CCDC15: variants seen among roughly 807,000 people sequenced by gnomAD.
The protein encoded by CCDC15 is coiled-coil domain containing 15.
Under a neutral mutation model 114.5 loss-of-function variants are expected in CCDC15, and 105 were observed. The ratio of observed to expected loss-of-function variants is 0.92; its 90% CI spans 0.78 to 1.08. The LOEUF is 1.08. Ranked by LOEUF, CCDC15 falls within the 50% of genes least tolerant of loss-of-function variation. The pLI is 0.00. For synonymous variants in CCDC15, 334 were observed against 377.8 expected, an observed-to-expected ratio of 0.88 and a Z score of 1.34; for missense variants, 1,105 against 1,093.6, an observed-to-expected ratio of 1.01 and a Z score of -0.15.
Position 124,986,667 on chromosome 11 carries a change from C to CTG in CCDC15, c.754-53_754-52dup, listed in dbSNP as rs146292043. 8.2e-3 allele frequency: 8,876 copies of CTG among 1,082,492 alleles called. 144 individuals are homozygous for CTG. In the African/African-American group the frequency reaches 0.096, roughly 12 times the overall value. 67.1% of individuals were successfully genotyped at this position (1,082,492 alleles called of 1,614,324 possible). A position where few individuals can be genotyped will look rare whatever the true frequency, so the allele number is the denominator to read the frequency against. ...TTCTTCCTATAATAGCTACATGGTG[C>CTG]TGTGTGTGTGTGTGTGTGTGTGTTT... On this transcript the variant is annotated intron_variant, in intron 6 of 15. Transcript: ENST00000344762.
intron 6 of CCDC15, among the ~76,000 whole-genome samples, chr11:124,985,223 T>C (rs1168872345): frequency 7.5e-6 from 1 of 133,740 alleles, no homozygotes; most frequent in African/African-American, 3.0e-5. Context: ...TGTATAGATG[T>C]ACCACATTTG....
chr11:125,035,822 G>C (rs1191712436), intron 13 of CCDC15, among the ~76,000 whole-genome samples: 1 of 152,100 alleles, frequency 6.6e-6, no homozygotes, highest in Non-Finnish European at 1.5e-5. Context: ...CAACTTAACA[G>C]TGATTACATA....
chr11:125,027,809 T>C (rs1469869422), intron 13 of CCDC15, among the ~76,000 whole-genome samples: 5 of 152,138 alleles, frequency 3.3e-5, no homozygotes, highest in Non-Finnish European at 7.4e-5. Flanking sequence ...ATTCTTTGCC[T>C]AAGCCAATGT....
At chr11:125,012,140 C>T (rs926269695) in intron 13 of CCDC15, among the ~76,000 whole-genome samples, 1 of 152,118 alleles carries the variant, frequency 6.6e-6, no homozygotes, top group Non-Finnish European at 1.5e-5. Flanking sequence ...TAAAAACAGC[C>T]TTGGAAAGTT....
chr11:125,037,340 A>T (rs746374572), intron 13 of CCDC15: 1 of 152,198 alleles, frequency 6.6e-6, no homozygotes, highest in Non-Finnish European at 1.5e-5. Context: ...AATAAGGACA[A>T]ATTATTCCTG....
rs1259818259 is a variant in CCDC15 at position 125,041,415 on chromosome 11, C to A, written c.*704C>A. On this transcript the variant is annotated 3_prime_UTR_variant, in exon 16 of 16. Transcript: ENST00000344762. ...GTCAAAGTGAGTAAATTCCTTATTT[C>A]CCTATTTTTTAAAAACCTGGTATAT... is the stretch of plus-strand genomic sequence containing the variant. The A allele has an allele frequency of 1.3e-5, 2 of 151,910 alleles. No individual in the cohort carries two copies. Among genetic ancestry groups the A allele is most frequent in the Non-Finnish European group, 2.9e-5 (2 of 67,956 alleles). The allele number at this position is 151,910 out of a possible 1,614,324, so 9.4% of individuals were successfully genotyped here.
At chr11:125,037,221 A>G (rs1212687138) in intron 13 of CCDC15, among the ~76,000 whole-genome samples, 4 of 152,218 alleles carry the variant, frequency 2.6e-5, no homozygotes, top group African/African-American at 9.6e-5. Context: ...GGTCTGGTGC[A>G]GTACTCAGTC....
intron 13 of CCDC15, among the ~76,000 whole-genome samples, chr11:125,026,969 T>C (rs538046051): frequency 2.7e-4 from 41 of 152,322 alleles, no homozygotes; most frequent in Admixed American, 3.9e-4. Context: ...CTCCCACTTA[T>C]AAGTGAAAAC....
intron 11 of CCDC15, among the ~76,000 whole-genome samples, chr11:124,998,665 C>T (rs1195050579): frequency 1.3e-5 from 2 of 151,608 alleles, no homozygotes; most frequent in East Asian, 1.9e-4. Context: ...CATCTATCTA[C>T]ACTGAAAACT....
At position 124,974,101 on chromosome 11, in the gene CCDC15, A is replaced by G. The variant is rs375500213; in HGVS notation, c.517-995A>G. On this transcript the variant is annotated intron_variant, in intron 4 of 15. Coordinates refer to ENST00000344762, the MANE Select transcript of CCDC15 (RefSeq NM_025004.3). ...GCAGTTCTCCCGCCTCAGCCTCCTG[A>G]GTAGCTGGGATTACAGGTGTGCACC... is the stretch of plus-strand genomic sequence containing the variant. Among the ~76,000 whole-genome samples the G allele has an allele frequency of 5.3e-5, 8 of 152,150 alleles. No homozygotes were observed. In the South Asian group the frequency reaches 1.7e-3, roughly 32 times the overall value.
intron 2 of CCDC15, 48 bp from the exon 3 acceptor site, chr11:124,959,067 A>T: frequency 7.2e-7 from 1 of 1,397,198 alleles, no homozygotes; most frequent in South Asian, 1.5e-5. Context: ...GCCCTAATGG[A>T]CAAAACTGCT....
chr11:124,959,289 A>G, intron 3 of CCDC15, 25 bp downstream of exon 3: 3 of 1,542,320 alleles, frequency 1.9e-6, no homozygotes, highest in Non-Finnish European at 2.6e-6. Context: ...GAGCCTGAGT[A>G]AAGATTGAAT....
chr11:124,988,613 A>G (rs1948216124), intron 8 of CCDC15, among the ~76,000 whole-genome samples: 1 of 152,202 alleles, frequency 6.6e-6, no homozygotes, highest in Admixed American at 6.5e-5. Flanking sequence ...GTAGCATGTG[A>G]TAATGTTTGA....
chr11:124,962,616 G>T (rs1021621577), intron 4 of CCDC15, among the ~76,000 whole-genome samples: 3 of 150,006 alleles, frequency 2.0e-5, no homozygotes, highest in Non-Finnish European at 3.0e-5. Context: ...ATATTATCTG[G>T]TCCTATCTTT....
rs1948518191 is a variant in CCDC15, at chr11:125,003,885, T to C, written c.2233T>C (p.Ser745Pro). 2 of 1,564,940 alleles carry C rather than the reference T, an allele frequency of 1.3e-6. No individual in the cohort carries two copies. The highest frequency in any genetic ancestry group is 1.7e-6 in the Non-Finnish European group (2 of 1,161,508). The change falls in exon 12 of 16, where the codon TCA becomes CCA. Residue 745 changes from serine (S) to proline (P), a missense_variant. Coordinates refer to ENST00000344762, the MANE Select transcript of CCDC15 (RefSeq NM_025004.3). The part of the protein sequence containing the change: ...GVPLAYDRYQ[S>P]GLSTEFQAPL... Reference sequence around the variant, plus strand: ...TTAACAGGCTTATGATAGGTATCAATCAGGATTGAGCACTGAATTCCAAGC... The same window carrying C: ...TTAACAGGCTTATGATAGGTATCAACCAGGATTGAGCACTGAATTCCAAGC...
At chr11:125,040,507 A>G (rs1948808354) in intron 15 of CCDC15, 83 bp from the exon 16 acceptor site, 2 of 1,249,896 alleles carry the variant, frequency 1.6e-6, no homozygotes, top group Non-Finnish European at 2.2e-6. Flanking sequence ...CTCTTGGTAG[A>G]GAAGCAGTAC....
intron 11 of CCDC15, among the ~76,000 whole-genome samples, chr11:124,997,716 C>T (rs568467399): frequency 1.2e-4 from 19 of 152,228 alleles, no homozygotes; most frequent in South Asian, 4.2e-4. Context: ...CTGAGGTGAA[C>T]GGATCACTTG....
At chr11:124,977,382 A>T in intron 5 of CCDC15, 96 bp from the exon 6 acceptor site, 1 of 1,193,048 alleles carries the variant, frequency 8.4e-7, no homozygotes, top group Non-Finnish European at 1.1e-6. Context: ...AAAACCTACT[A>T]AGATAATTTT....
rs1947992068 is a variant in CCDC15 at position 124,977,459 on chromosome 11, G to A, written c.631-19G>A. On this transcript the variant is annotated intron_variant, in intron 5 of 15. Coordinates refer to ENST00000344762, the MANE Select transcript of CCDC15 (RefSeq NM_025004.3). ...GCTTCCTCTAGACCTATTTATATTTGTAGTAATTTTTTTTCCAGGAAGTGC... is the reference window on the plus strand; with the variant it reads ...GCTTCCTCTAGACCTATTTATATTTATAGTAATTTTTTTTCCAGGAAGTGC... 1.3e-6 allele frequency: 2 copies of A among 1,563,752 alleles called. No homozygotes were observed. Among genetic ancestry groups the A allele is most frequent in the African/African-American group, 2.7e-5 (2 of 72,994 alleles).
Sources: allele counts gnomAD v4.1 joint callset (sites outside exome capture counted in the v4.1 genomes callset), GRCh38; gene constraint gnomAD v4.1.1; transcripts MANE v1.5; gene names NCBI Gene and HGNC (gene_info 2026-07-23, HGNC 2026-07-21).